Variants in STK3 observed in about 807,000 individuals in gnomAD.
STK3 encodes serine/threonine-protein kinase 3.
STK3 carries 41 observed loss-of-function variants against 58.0 expected under a neutral mutation model. That is an observed-to-expected ratio of 0.71 (90% confidence interval 0.55 to 0.92). STK3 has a LOEUF of 0.92. STK3 is among the 40% of genes least tolerant of loss of function. The pLI, the probability that STK3 is intolerant of heterozygous loss-of-function variation, is 0.00. For synonymous variants in STK3, 170 were observed against 191.0 expected (o/e 0.89, Z 0.91); for missense variants, 479 against 602.7 (o/e 0.79, Z 2.15).
At chr8:98,501,404 T>G (rs574931834) in intron 10 of STK3, among the ~76,000 whole-genome samples, 1 of 152,334 alleles carries the variant, frequency 6.6e-6, no homozygotes. Context: ...AGCTCTTTAA[T>G]TTAATTAGAT....
rs1004407215 is a variant in STK3 at position 98,462,482 on chromosome 8, G to C, written c.1318-6482C>G. 2.6e-5 allele frequency among the ~76,000 whole-genome samples: 4 copies of C among 152,244 alleles called. No individual in the cohort carries two copies. In the East Asian group the frequency reaches 7.7e-4, roughly 29 times the overall value. Reference sequence around the variant, plus strand: ...GCTAGATTGCAATCTTGTTGTGGGAGATAGAGTGTTTTACTCATCTCCGAA... The same window carrying C: ...GCTAGATTGCAATCTTGTTGTGGGACATAGAGTGTTTTACTCATCTCCGAA... On this transcript the variant is annotated intron_variant, in intron 10 of 10. Transcript: ENST00000419617.
intron 7 of STK3, among the ~76,000 whole-genome samples, chr8:98,588,291 C>T (rs1429662166): frequency 1.3e-5 from 2 of 151,698 alleles, no homozygotes; most frequent in Admixed American, 6.6e-5. Flanking sequence ...TAGGGCAGGC[C>T]TGGTGGTGAC....
Position 98,870,450 on chromosome 8 carries a change from C to G in STK3, c.110+13197G>C, listed in dbSNP as rs183287158. Among the ~76,000 whole-genome samples, 869 of 152,316 alleles carry G rather than the reference C, an allele frequency of 5.7e-3. 9 individuals are homozygous for G. The highest frequency in any genetic ancestry group is 0.02 in the African/African-American group (833 of 41,564). On this transcript the variant is annotated intron_variant, in intron 3 of 12. Transcript: ENST00000523601. The stretch of plus-strand genomic sequence containing the variant: ...TCCACAATGGTTGAACTAGTTTACA[C>G]TCCCACCAACAGTGTAAAAGTGTTC...
intron 6 of STK3, chr8:98,638,351 C>A (rs1819771510): frequency 6.6e-6 from 1 of 152,060 alleles, no homozygotes; most frequent in Non-Finnish European, 1.5e-5. Flanking sequence ...CTAAATTTAA[C>A]TGAAGAATAT....
intron 8 of STK3, among the ~76,000 whole-genome samples, chr8:98,562,471 C>T (rs1043910095): frequency 2.6e-5 from 4 of 151,860 alleles, no homozygotes; most frequent in African/African-American, 4.8e-5. Context: ...AAAGCCAAAA[C>T]TATAAATGGT....
chr8:98,771,464 T>C (rs907747199), intron 2 of STK3, among the ~76,000 whole-genome samples: 3 of 152,246 alleles, frequency 2.0e-5, no homozygotes, highest in African/African-American at 7.2e-5. Context: ...TCTTCCTTCT[T>C]ATTCCAAATC....
the STK3 span, among the ~76,000 whole-genome samples, chr8:98,355,360 T>C: frequency 1.3e-5 from 2 of 152,232 alleles, no homozygotes; most frequent in Non-Finnish European, 2.9e-5. Context: ...GAAAATGGCT[T>C]TGCCCAAGCT....
At chr8:98,398,121 C>A (rs1817911061), downstream of STK3, among the ~76,000 whole-genome samples, 1 of 152,196 alleles carries the variant, frequency 6.6e-6, no homozygotes, top group Non-Finnish European at 1.5e-5. Context: ...CTGCTGCCAC[C>A]CCTCAGCAGA....
intron 4 of STK3, among the ~76,000 whole-genome samples, chr8:98,713,782 C>T (rs1826749755): frequency 6.6e-6 from 1 of 152,134 alleles, no homozygotes; most frequent in East Asian, 1.9e-4. Context: ...TTTTATGAGG[C>T]CAGCATCATC....
chr8:98,535,824 G>C (rs559944667), intron 9 of STK3, among the ~76,000 whole-genome samples: 11 of 152,202 alleles, frequency 7.2e-5, no homozygotes, highest in African/African-American at 2.2e-4. Flanking sequence ...AGAACAGAGT[G>C]GGGGAAATTT....
chr8:98,544,041 G>C (rs913075923), intron 9 of STK3, among the ~76,000 whole-genome samples: 8 of 151,976 alleles, frequency 5.3e-5, no homozygotes, highest in Non-Finnish European at 1.0e-4. Flanking sequence ...GAGAGTGGCA[G>C]AAGCAATGAA....
At chr8:98,450,225 G>A (rs1819139677), downstream of STK3, among the ~76,000 whole-genome samples, 1 of 152,178 alleles carries the variant, frequency 6.6e-6, no homozygotes, top group African/African-American at 2.4e-5. Context: ...CTGGGTTCTA[G>A]GTGACTCTAA....
chr8:98,552,145 C>T (rs778893244), intron 8 of STK3, among the ~76,000 whole-genome samples: 2 of 152,118 alleles, frequency 1.3e-5, no homozygotes, highest in Non-Finnish European at 2.9e-5. Context: ...TATATCACCA[C>T]CTTCTATTCC....
intron 1 of STK3, among the ~76,000 whole-genome samples, chr8:98,814,320 G>C (rs977732103): frequency 2.6e-5 from 4 of 151,600 alleles, no homozygotes; most frequent in Non-Finnish European, 5.9e-5. Flanking sequence ...CAAAGTTCTG[G>C]GATTACAGCC....
At chr8:98,537,503 A>C (rs1295527663) in intron 9 of STK3, among the ~76,000 whole-genome samples, 1 of 152,160 alleles carries the variant, frequency 6.6e-6, no homozygotes, top group Admixed American at 6.5e-5. Context: ...ATTAAAAAAA[A>C]TACTAGGCTC....
chr8:98,574,226 C>T (rs1813207052), intron 8 of STK3, among the ~76,000 whole-genome samples: 1 of 152,180 alleles, frequency 6.6e-6, no homozygotes, highest in African/African-American at 2.4e-5. Flanking sequence ...TTTCTTCTTG[C>T]TGCTTATAAT....
rs992954375 is a variant in STK3, at chr8:98,744,924, C to A, written c.351+4352G>T. On this transcript the variant is annotated intron_variant, in intron 4 of 10. Transcript: ENST00000419617. Reference sequence around the variant, plus strand: ...CAGAAAAAAAAAAAAGTGCTGTATACCCCTATCTCCTATCATATACAGAAA... The same window carrying A: ...CAGAAAAAAAAAAAAGTGCTGTATAACCCTATCTCCTATCATATACAGAAA... 2.6e-5 allele frequency among the ~76,000 whole-genome samples: 4 copies of A among 151,464 alleles called. 1 individual carries two copies. In the South Asian group the frequency reaches 8.3e-4, roughly 32 times the overall value.
chr8:98,571,245 G>A (rs1025548106), intron 8 of STK3, among the ~76,000 whole-genome samples: 7 of 152,208 alleles, frequency 4.6e-5, no homozygotes, highest in Middle Eastern at 3.4e-3. Flanking sequence ...CAGGAGAATC[G>A]CTTGAACCCA....
chr8:98,401,180 A>G (rs537680168), downstream of STK3, among the ~76,000 whole-genome samples: 6 of 152,166 alleles, frequency 3.9e-5, no homozygotes, highest in South Asian at 1.2e-3. Context: ...TGCAGAGACC[A>G]CATAGAGATG....
Sources: allele counts gnomAD v4.1 joint callset (sites outside exome capture counted in the v4.1 genomes callset), GRCh38; gene constraint gnomAD v4.1.1; transcripts MANE v1.5; gene names NCBI Gene and HGNC (gene_info 2026-07-23, HGNC 2026-07-21).